The following CD1A variants were observed in gnomAD, a reference collection of about 807,000 sequenced individuals.
CD1A encodes the protein T-cell surface glycoprotein CD1a.
CD1A carries 50 observed loss-of-function variants against 38.3 expected under a neutral mutation model. The observed-to-expected ratio is 1.30, with a 90% CI of 1.04 to 1.65. The LOEUF is 1.65. Among genes scored for constraint, CD1A ranks in the 40% most tolerant of loss-of-function variants. The pLI is 0.00. For missense variants in CD1A, 459 were observed against 406.1 expected (o/e 1.13, Z -1.12); for synonymous variants, 160 against 150.8 (o/e 1.06, Z -0.45).
upstream of CD1A, among the ~76,000 whole-genome samples, chr1:158,253,608 A>G (rs1453515971): frequency 6.6e-6 from 1 of 152,164 alleles, no homozygotes; most frequent in Non-Finnish European, 1.5e-5. Context: ...TCATTTGACA[A>G]ATATTCACTA....
upstream of CD1A, chr1:158,254,221 G>C (rs1650165710): frequency 9.8e-7 from 1 of 1,020,256 alleles, no homozygotes; most frequent in Non-Finnish European, 1.2e-6. Flanking sequence ...AAGAGACAGG[G>C]GAAGAGAATA....
chr1:158,250,585 T>G (rs934223515), upstream of CD1A, among the ~76,000 whole-genome samples: 1 of 152,220 alleles, frequency 6.6e-6, no homozygotes, highest in Non-Finnish European at 1.5e-5. Context: ...TAGCTCAGTC[T>G]TCCCCAACCA....
chr1:158,256,926 C>T lies in CD1A; in HGVS notation c.745C>T (p.Arg249Ter), dbSNP rs149659983. The T allele has an allele frequency of 3.3e-4, 538 of 1,614,146 alleles. No homozygotes were observed. The African/African-American group carries it at 5.6e-3, about 17-fold the overall frequency. Residue 249 changes from arginine to a stop codon, truncating the protein, a stop_gained, in exon 4 of 6, where the codon CGA (arginine) becomes TGA (stop). Coordinates refer to ENST00000289429, the MANE Select transcript of CD1A (RefSeq NM_001763.3). LOFTEE classifies it high-confidence loss of function. The part of the protein sequence containing the change: ...RGEQEQQGTQ[R>*]GDILPSADGT... ...TGAGCAGGAGCAGCAGGGCACTCAG[C>T]GAGGGGACATCTTGCCCAGTGCTGA...
Position 158,256,270 on chromosome 1 carries a change from C to A in CD1A, c.592C>A (p.Leu198Ile). The A allele has an allele frequency of 6.2e-7, 1 of 1,613,662 alleles. No homozygotes were observed. The highest frequency in any genetic ancestry group is 8.5e-7 in the Non-Finnish European group (1 of 1,179,916). Residue 198 changes from leucine to isoleucine, a missense_variant, in exon 3 of 6, where the codon CTC becomes ATC. Transcript: ENST00000289429. ...TCTTCTTGATGCAGGAAAGGCACAT[C>A]TCCAGCGGCAAGGTCAGTCCTGCAC... is the stretch of plus-strand genomic sequence containing the variant. ...LGLLDAGKAHLQRQVKPEAWL... is the reference protein window; with the variant it reads ...LGLLDAGKAHIQRQVKPEAWL...
intron 1 of CD1A, 111 bp from the exon 2 acceptor site, chr1:158,254,973 A>C: frequency 8.9e-7 from 1 of 1,129,570 alleles, no homozygotes; most frequent in South Asian, 1.4e-5. Flanking sequence ...TGCTAAGATC[A>C]TGATGGATCC....
rs1284482181 is a variant in CD1A, at chr1:158,257,814, T to G, written c.*124T>G. 1 of 811,038 alleles carries G rather than the reference T, an allele frequency of 1.2e-6. No homozygotes were observed. Among genetic ancestry groups the G allele is most frequent in the Non-Finnish European group, 2.0e-6 (1 of 488,396 alleles). The allele number at this position is 811,038 out of a possible 1,614,324, so 50.2% of individuals were successfully genotyped here. A position where few individuals can be genotyped will look rare whatever the true frequency, so the allele number is the denominator to read the frequency against. On this transcript the variant is annotated 3_prime_UTR_variant, in exon 6 of 6. Coordinates refer to ENST00000289429, the MANE Select transcript of CD1A (RefSeq NM_001763.3). The stretch of plus-strand genomic sequence containing the variant: ...TCCTCTCAACTCTCTTTGTAAAAAT[T>G]TTGTTATTTTTGCTTGTTTCTGATT...
upstream of CD1A, among the ~76,000 whole-genome samples, chr1:158,252,119 G>A (rs183005438): frequency 0.013 from 1,942 of 149,084 alleles, 43 homozygotes; most frequent in African/African-American, 0.046. Flanking sequence ...GTGAGCCACC[G>A]CACCCGGCCA....
chr1:158,254,982 C>T, intron 1 of CD1A, 102 bp from the exon 2 acceptor site: 1 of 1,167,618 alleles, frequency 8.6e-7, no homozygotes, highest in Non-Finnish European at 1.2e-6. Context: ...CATGATGGAT[C>T]CCCTTTTCTC....
In CD1A at chr1:158,256,187, A is replaced by C; in HGVS notation, c.509A>C (p.His170Pro). 1 of 1,614,224 alleles carries C rather than the reference A, an allele frequency of 6.2e-7. No homozygotes were observed. Among genetic ancestry groups the C allele is most frequent in the Non-Finnish European group, 8.5e-7 (1 of 1,180,016 alleles). ...TGCAAAGTGCTCAATCAGAATCAGCATGAAAATGACATAACACACAATCTT... is the reference window on the plus strand; with the variant it reads ...TGCAAAGTGCTCAATCAGAATCAGCCTGAAAATGACATAACACACAATCTT... ...HFCKVLNQNQ[H>P]ENDITHNLLS... is the part of the protein sequence containing the mutation. The change falls in exon 3 of 6, where the codon CAT becomes CCT. Residue 170 changes from histidine to proline, a missense_variant. His to Pro is a moderately conservative substitution (Grantham distance 77). Coordinates refer to ENST00000289429, the MANE Select transcript of CD1A (RefSeq NM_001763.3).
At chr1:158,254,970 A>T in intron 1 of CD1A, 114 bp from the exon 2 acceptor site, 2 of 1,104,582 alleles carry the variant, frequency 1.8e-6, no homozygotes, top group East Asian at 2.4e-5. Flanking sequence ...GTCTGCTAAG[A>T]TCATGATGGA....
Position 158,254,635 on chromosome 1 carries a change from T to A in CD1A, c.-35T>A. On this transcript the variant is annotated 5_prime_UTR_variant, in exon 1 of 6. Transcript: ENST00000289429. ...TTTGGAACAGAAATCAAAGACCAAT[T>A]TTTCTGAGAGAAGGAAATAACATCT... 6.2e-7 allele frequency: 1 copy of A among 1,613,842 alleles called. No individual in the cohort carries two copies. Among genetic ancestry groups the A allele is most frequent in the Non-Finnish European group, 8.5e-7 (1 of 1,179,922 alleles).
At position 158,257,729 on chromosome 1, in the gene CD1A, G is replaced by C; in HGVS notation, c.*39G>C. ...CCTCCTCGTCACCCTTCTCCTTTTG[G>C]GGTGAGAGACCAGCAGCCCAAGGGC... On this transcript the variant is annotated 3_prime_UTR_variant, in exon 6 of 6. Transcript: ENST00000289429. 1 of 1,607,250 alleles carries C rather than the reference G, an allele frequency of 6.2e-7. No homozygotes were observed. The highest frequency in any genetic ancestry group is 8.5e-7 in the Non-Finnish European group (1 of 1,173,790).
chr1:158,253,761 T>C (rs1394479644), upstream of CD1A, among the ~76,000 whole-genome samples: 1 of 152,160 alleles, frequency 6.6e-6, no homozygotes, highest in Non-Finnish European at 1.5e-5. Flanking sequence ...GAAAATATTA[T>C]TTCAAGCAGG....
chr1:158,256,113 C>T lies in CD1A; in HGVS notation c.435C>T (p.Asn145=), dbSNP rs1558066654. 1.2e-6 allele frequency: 2 copies of T among 1,614,164 alleles called. No individual in the cohort carries two copies. Among genetic ancestry groups the T allele is most frequent in the Non-Finnish European group, 1.7e-6 (2 of 1,180,026 alleles). ...YQGSDFVSFQ[N]NSWLPYPVAG... is the part of the protein sequence containing the mutation. Reference sequence around the variant, plus strand: ...GATCAGACTTTGTGAGCTTCCAGAACAATTCATGGTTGCCATATCCAGTGG... The same window carrying T: ...GATCAGACTTTGTGAGCTTCCAGAATAATTCATGGTTGCCATATCCAGTGG... Residue 145 remains asparagine, a synonymous_variant, in exon 3 of 6, where the codon AAC becomes AAT. Transcript: ENST00000289429.
At chr1:158,257,635 C>A in intron 5 of CD1A, 46 bp from the exon 6 acceptor site, 1 of 1,610,026 alleles carries the variant, frequency 6.2e-7, no homozygotes, top group African/African-American at 1.3e-5. Flanking sequence ...CCTCAATTCT[C>A]AGCTCCACCT....
At chr1:158,254,307 C>T, upstream of CD1A, 1 of 1,123,916 alleles carries the variant, frequency 8.9e-7, no homozygotes, top group Non-Finnish European at 1.1e-6. Context: ...ACACTGGGAG[C>T]CATTTCACTT....
intron 5 of CD1A, 30 bp from the exon 6 acceptor site, chr1:158,257,651 A>G (rs1228685188): frequency 6.2e-7 from 1 of 1,612,924 alleles, no homozygotes; most frequent in East Asian, 2.2e-5. Flanking sequence ...CACCTTATTC[A>G]GAGTGACTTC....
At chr1:158,250,124 G>A (rs964540376), upstream of CD1A, among the ~76,000 whole-genome samples, 1 of 152,232 alleles carries the variant, frequency 6.6e-6, no homozygotes, top group Non-Finnish European at 1.5e-5. Context: ...AAAAGCAAGG[G>A]AATTGTGAAA....
Position 158,255,272 on chromosome 1 carries a change from C to A in CD1A, c.247C>A (p.Leu83Met). ...GNFSNEEWKE[L>M]ETLFRIRTIR... ...CTTCAGCAATGAGGAGTGGAAGGAA[C>A]TGGAAACATTATTCCGTATACGCAC... Residue 83 changes from leucine (L) to methionine (M), a missense_variant, in exon 2 of 6, where the codon CTG becomes ATG. Leu to Met is a conservative substitution (Grantham distance 15, BLOSUM62 2). Transcript: ENST00000289429. 6.2e-7 allele frequency: 1 copy of A among 1,614,168 alleles called. No homozygotes were observed. The highest frequency in any genetic ancestry group is 1.3e-5 in the African/African-American group (1 of 75,038).
Sources: allele counts gnomAD v4.1 joint callset (sites outside exome capture counted in the v4.1 genomes callset), GRCh38; gene constraint gnomAD v4.1.1; transcripts MANE v1.5; gene names NCBI Gene and HGNC (gene_info 2026-07-23, HGNC 2026-07-21).